The following MCF2L variants were observed in gnomAD, a reference collection of about 807,000 sequenced individuals.
The protein encoded by MCF2L is guanine nucleotide exchange factor DBS.
A neutral mutation model predicts 153.4 loss-of-function variants in MCF2L; 97 were observed. That is an observed-to-expected ratio of 0.63 (90% CI 0.54 to 0.75). The LOEUF (loss-of-function observed/expected upper bound fraction) is 0.75. MCF2L is among the 30% of genes least tolerant of loss of function. The probability of loss-of-function intolerance (pLI) is 0.00; values close to 1 mark genes in which losing one functional copy is unlikely to be tolerated. For synonymous variants in MCF2L, 659 were observed against 632.2 expected (o/e 1.04, Z -0.64); for missense variants, 1,347 against 1,495.2 (o/e 0.90, Z 1.64).
In MCF2L at chr13:113,089,749, G is replaced by A. The variant is rs765054097; in HGVS notation, c.2953+21G>A. 3.7e-6 allele frequency: 6 copies of A among 1,605,806 alleles called. No homozygotes were observed. The East Asian group carries it at 1.3e-4, about 36-fold the overall frequency. Reference sequence around the variant, plus strand: ...CAAAGGTGGGTATGTGCAGGGACCGGGCCTCACACGGAGGCCTCACACGGA... The same window carrying A: ...CAAAGGTGGGTATGTGCAGGGACCGAGCCTCACACGGAGGCCTCACACGGA... On this transcript the variant is annotated intron_variant, in intron 26 of 29. Coordinates refer to ENST00000535094, the MANE Select transcript of MCF2L (RefSeq NM_001112732.3).
At chr13:112,902,266 C>A (rs766087469) in exon 2 of MCF2L, 1 of 1,612,804 alleles carries the variant, frequency 6.2e-7, no homozygotes, top group East Asian at 2.2e-5. Context: ...TTCTTCCCCA[C>A]AACGGCCCAA....
At chr13:112,925,208 G>A (rs768643766) in intron 2 of MCF2L, among the ~76,000 whole-genome samples, 42 of 152,254 alleles carry the variant, frequency 2.8e-4, no homozygotes, top group African/African-American at 7.2e-4. Context: ...ACCATTCTTC[G>A]TCCACCAGAG....
intron 2 of MCF2L, among the ~76,000 whole-genome samples, chr13:112,915,740 G>A (rs1263226573): frequency 6.6e-6 from 1 of 151,962 alleles, no homozygotes; most frequent in Non-Finnish European, 1.5e-5. Context: ...TTCCCATCTC[G>A]TCCCGAGTGG....
Position 113,096,886 on chromosome 13 carries a change from C to T in MCF2L, c.*27C>T. The T allele has an allele frequency of 2.9e-6, 4 of 1,369,266 alleles. No individual in the cohort carries two copies. The highest frequency in any genetic ancestry group is 3.8e-6 in the Non-Finnish European group (4 of 1,063,914). The allele number at this position is 1,369,266 out of a possible 1,614,324, so 84.8% of individuals were successfully genotyped here. A position where few individuals can be genotyped will look rare whatever the true frequency, so the allele number is the denominator to read the frequency against. On this transcript the variant is annotated 3_prime_UTR_variant, in exon 30 of 30. Coordinates refer to ENST00000535094, the MANE Select transcript of MCF2L (RefSeq NM_001112732.3). ...GCGGCCTCGGCGCCGGAGACCCGCGCGCTGTCTGGGGCTGCGGTGGCGTGG... is the reference window on the plus strand; with the variant it reads ...GCGGCCTCGGCGCCGGAGACCCGCGTGCTGTCTGGGGCTGCGGTGGCGTGG...
At chr13:112,958,878 G>T (rs899717577) in intron 2 of MCF2L, among the ~76,000 whole-genome samples, 1 of 152,192 alleles carries the variant, frequency 6.6e-6, no homozygotes, top group Non-Finnish European at 1.5e-5. Context: ...CACAGGGTCT[G>T]GATGGCTCGT....
intron 23 of MCF2L, 152 bp from the exon 24 acceptor site, chr13:113,088,175 G>A: frequency 1.3e-6 from 1 of 749,588 alleles, no homozygotes; most frequent in Non-Finnish European, 2.4e-6. Flanking sequence ...GCAATGCGGG[G>A]CCACCCACAG....
chr13:112,998,392 C>G (rs113280407), intron 1 of MCF2L, among the ~76,000 whole-genome samples: 1 of 152,026 alleles, frequency 6.6e-6, no homozygotes, highest in Non-Finnish European at 1.5e-5. Flanking sequence ...CAGGCCTGGC[C>G]GGGGCTGTTG....
At chr13:113,076,909 C>T (rs933433691) in intron 12 of MCF2L, 143 bp from the exon 13 acceptor site, 1 of 950,356 alleles carries the variant, frequency 1.1e-6, no homozygotes, top group African/African-American at 1.7e-5. Flanking sequence ...GGGCTGGACA[C>T]AGCTGCGCTG....
rs1387424760 is a variant in MCF2L, at chr13:112,929,227, C to T, written c.169+26856C>T. 2.0e-5 allele frequency among the ~76,000 whole-genome samples: 3 copies of T among 152,206 alleles called. No homozygotes were observed. The East Asian group carries it at 5.8e-4, about 29-fold the overall frequency. On this transcript the variant is annotated intron_variant, in intron 2 of 29. Coordinates refer to the MCF2L transcript ENST00000375608. Reference sequence around the variant, plus strand: ...TACCTGATCAGTTTTATATTGGTTCCATAAATGGCCACTGGGTCTCCCTCT... The same window carrying T: ...TACCTGATCAGTTTTATATTGGTTCTATAAATGGCCACTGGGTCTCCCTCT...
intron 3 of MCF2L, chr13:113,043,280 C>T (rs1181130285): frequency 1.3e-5 from 2 of 152,248 alleles, no homozygotes; most frequent in Non-Finnish European, 2.9e-5. Context: ...TAGCATCACC[C>T]CTGCTTCAGG....
intron 2 of MCF2L, among the ~76,000 whole-genome samples, chr13:112,961,389 G>A (rs781393256): frequency 7.9e-5 from 12 of 152,238 alleles, no homozygotes; most frequent in Non-Finnish European, 1.2e-4. Flanking sequence ...CTTGGGGTTC[G>A]GTTGGCCCTG....
At chr13:113,039,940 A>C (rs780043653) in intron 3 of MCF2L, among the ~76,000 whole-genome samples, 1 of 152,270 alleles carries the variant, frequency 6.6e-6, no homozygotes, top group Admixed American at 6.5e-5. Context: ...ATGTATAAGA[A>C]GCTCATTGTC....
intron 4 of MCF2L, among the ~76,000 whole-genome samples, chr13:113,048,165 G>A (rs974199852): frequency 3.3e-5 from 5 of 152,266 alleles, no homozygotes; most frequent in East Asian, 1.9e-4. Flanking sequence ...GTCCTGTTCC[G>A]TTCACCGAGT....
At chr13:112,923,990 G>T (rs79199567) in intron 2 of MCF2L, among the ~76,000 whole-genome samples, 1 of 151,976 alleles carries the variant, frequency 6.6e-6, no homozygotes. Flanking sequence ...ATGCATTTTT[G>T]GCCCAGAAAT....
chr13:113,002,364 G>A (rs953841867), intron 1 of MCF2L, among the ~76,000 whole-genome samples: 2 of 152,266 alleles, frequency 1.3e-5, no homozygotes, highest in African/African-American at 4.8e-5. Flanking sequence ...CAGGCTATGT[G>A]GACAAATGAG....
At chr13:113,006,435 C>A (rs1594606315) in intron 1 of MCF2L, among the ~76,000 whole-genome samples, 1 of 152,312 alleles carries the variant, frequency 6.6e-6, no homozygotes, top group Admixed American at 6.5e-5. Flanking sequence ...CCTGATCCTC[C>A]CCCCGGGAGC....
rs966161782 is a variant in MCF2L, at chr13:112,983,001, G to A, written c.79+13543G>A. 6.6e-6 allele frequency among the ~76,000 whole-genome samples: 1 copy of A among 152,144 alleles called. No individual in the cohort carries two copies. Among genetic ancestry groups the A allele is most frequent in the Non-Finnish European group, 1.5e-5 (1 of 68,010 alleles). The stretch of plus-strand genomic sequence containing the variant: ...TCCATGGTGGTGACGCTCAGGAGGC[G>A]CTGGTTCCAGTGGGGAGGTTGGGGA... On this transcript the variant is annotated intron_variant, in intron 1 of 29. Transcript: ENST00000535094. The surrounding 1 kb of genome is among the most constrained non-coding windows in gnomAD (Gnocchi z 4.0).
At chr13:113,022,558 C>A (rs545586743) in intron 2 of MCF2L, among the ~76,000 whole-genome samples, 1 of 152,374 alleles carries the variant, frequency 6.6e-6, no homozygotes, top group African/African-American at 2.4e-5. Flanking sequence ...CCCCAGGCCC[C>A]GTTTCAGGGA....
intron 2 of MCF2L, among the ~76,000 whole-genome samples, chr13:112,919,409 T>G (rs1048020568): frequency 9.9e-5 from 15 of 151,728 alleles, no homozygotes; most frequent in African/African-American, 1.2e-4. Context: ...GTTTCACCGT[T>G]TTAGCCGGGA....
Sources: gnomAD v4.1 joint callset for allele counts (sites outside exome capture counted in the v4.1 genomes callset) on GRCh38, gnomAD v4.1.1 for gene constraint, Gnocchi (gnomAD v3.1) non-coding constraint, MANE v1.5 for transcripts, NCBI Gene and HGNC (gene_info 2026-07-23, HGNC 2026-07-21) for gene names.